ERG: variants seen among roughly 807,000 people sequenced by gnomAD.
The protein encoded by ERG is ETS transcription factor ERG, also known as transcriptional regulator ERG.
Under a neutral mutation model 55.3 loss-of-function variants are expected in ERG, and 9 were observed. The ratio of observed to expected loss-of-function variants is 0.16; its 90% confidence interval spans 0.10 to 0.28. ERG has a LOEUF of 0.28. Ranked by LOEUF, ERG falls within the 10% of genes least tolerant of loss-of-function variation. The pLI, the probability that ERG is intolerant of heterozygous loss-of-function variation, is 1.00. For missense variants in ERG, 434 were observed against 631.6 expected, an observed-to-expected ratio of 0.69 and a Z score of 3.35; for synonymous variants, 223 against 237.3, an observed-to-expected ratio of 0.94 and a Z score of 0.55.
rs543817386 is a variant in ERG, at chr21:38,556,175, A to G, written c.-41+19487T>C. ...AAATGCAATATTTTGGGATGATAAA[A>G]GGGCAGTTTCAAAAAATTGAAAAAA... On this transcript the variant is annotated intron_variant, in intron 2 of 8. Transcript: ENST00000398897. Among the ~76,000 whole-genome samples the G allele has an allele frequency of 3.5e-4, 53 of 152,320 alleles. 1 individual carries two copies. In the South Asian group the frequency reaches 7.5e-3, roughly 21 times the overall value.
At chr21:38,404,288 G>A (rs772560962) in intron 3 of ERG, among the ~76,000 whole-genome samples, 3 of 152,188 alleles carry the variant, frequency 2.0e-5, no homozygotes, top group African/African-American at 4.8e-5. Flanking sequence ...CTCATAGAGA[G>A]CTGTCAGTTC....
intron 1 of ERG, among the ~76,000 whole-genome samples, chr21:38,609,928 T>A (rs1231066365): frequency 6.6e-6 from 1 of 152,204 alleles, no homozygotes; most frequent in Admixed American, 6.5e-5. Flanking sequence ...CGTTTTTCGT[T>A]TTATTATGAC....
intron 3 of ERG, among the ~76,000 whole-genome samples, chr21:38,405,184 T>C (rs1326931774): frequency 6.6e-6 from 1 of 152,210 alleles, no homozygotes; most frequent in Non-Finnish European, 1.5e-5. Context: ...CCTATACATA[T>C]TTTAATATTT....
chr21:38,573,297 A>G (rs2059971510), intron 2 of ERG, among the ~76,000 whole-genome samples: 1 of 152,186 alleles, frequency 6.6e-6, no homozygotes, highest in Non-Finnish European at 1.5e-5. Flanking sequence ...CCAGCCCGAC[A>G]CCCGTAAAGG....
At chr21:38,652,734 G>A (rs2060495501) in intron 1 of ERG, among the ~76,000 whole-genome samples, 1 of 152,216 alleles carries the variant, frequency 6.6e-6, no homozygotes, top group African/African-American at 2.4e-5. Flanking sequence ...CGGCCCTACA[G>A]CAAACCCAGT....
intron 1 of ERG, among the ~76,000 whole-genome samples, chr21:38,590,706 T>C (rs2146893525): frequency 6.6e-6 from 1 of 152,320 alleles, no homozygotes. Flanking sequence ...CATCCATCCA[T>C]CTATCCATCC....
chr21:38,647,050 A>G (rs2836592), intron 1 of ERG, among the ~76,000 whole-genome samples: 10,188 of 152,196 alleles, frequency 0.067, 1,129 homozygotes, highest in African/African-American at 0.23. Flanking sequence ...TTGTCCACTC[A>G]TAACTTTGAT....
At chr21:38,425,419 G>A (rs1261315040) in intron 2 of ERG, among the ~76,000 whole-genome samples, 1 of 151,796 alleles carries the variant, frequency 6.6e-6, no homozygotes, top group Non-Finnish European at 1.5e-5. Flanking sequence ...AAGAAAGAGA[G>A]AGAGAAAGAG....
At chr21:38,493,320 A>G (rs2059352320) in intron 1 of ERG, among the ~76,000 whole-genome samples, 1 of 152,214 alleles carries the variant, frequency 6.6e-6, no homozygotes, top group Admixed American at 6.5e-5. Context: ...TTTGCTTATC[A>G]AAAAATGTTA....
At chr21:38,455,092 CTTTT>C (rs2058974995) in intron 1 of ERG, among the ~76,000 whole-genome samples, 1 of 133,476 alleles carries the variant, frequency 7.5e-6, no homozygotes, top group Non-Finnish European at 1.6e-5. Context: ...ACATAATGTT[CTTTT>C]TCTTTCTTTC....
intron 1 of ERG, among the ~76,000 whole-genome samples, chr21:38,645,865 ACT>A (rs1207144540): frequency 2.0e-5 from 3 of 152,016 alleles, no homozygotes; most frequent in Non-Finnish European, 2.9e-5. Flanking sequence ...TGCAGGTACC[ACT>A]CTGATCTCAG....
Position 38,460,097 on chromosome 21 carries a change from C to T in ERG, c.19-14476G>A, listed in dbSNP as rs1403743494. On this transcript the variant is annotated intron_variant, in intron 1 of 9. Coordinates refer to ENST00000288319, the MANE Select transcript of ERG (RefSeq NM_182918.4). This position sits in a 1 kb window ranked among gnomAD's most constrained non-coding sequence, Gnocchi z 5.0. ...CGAAGGAGGGGAGGGTGTGAGCCCCCATGCATTCATGAAGAATAGGCCTTC... is the reference window on the plus strand; with the variant it reads ...CGAAGGAGGGGAGGGTGTGAGCCCCTATGCATTCATGAAGAATAGGCCTTC... Among the ~76,000 whole-genome samples, 4 of 152,142 alleles carry T rather than the reference C, an allele frequency of 2.6e-5. No homozygotes were observed. The highest frequency in any genetic ancestry group is 5.9e-5 in the Non-Finnish European group (4 of 68,034).
chr21:38,436,263 T>C (rs1005431978), intron 2 of ERG, among the ~76,000 whole-genome samples: 17 of 152,004 alleles, frequency 1.1e-4, no homozygotes, highest in African/African-American at 4.1e-4. Flanking sequence ...TTTTAAAATG[T>C]GATTGTTTTG....
intron 1 of ERG, among the ~76,000 whole-genome samples, chr21:38,446,913 T>C (rs1472805559): frequency 6.6e-6 from 1 of 152,124 alleles, no homozygotes; most frequent in Non-Finnish European, 1.5e-5. Context: ...AGCCCTATGA[T>C]GCCCTTTGTG....
At chr21:38,634,492 G>A (rs2060376335) in intron 1 of ERG, among the ~76,000 whole-genome samples, 1 of 152,158 alleles carries the variant, frequency 6.6e-6, no homozygotes, top group Non-Finnish European at 1.5e-5. Context: ...CTTCTAACTA[G>A]ACCCCAAATA....
chr21:38,602,201 T>G (rs2060168272), intron 1 of ERG, among the ~76,000 whole-genome samples: 1 of 152,130 alleles, frequency 6.6e-6, no homozygotes, highest in Non-Finnish European at 1.5e-5. Flanking sequence ...TCCCAGCACT[T>G]TGGGAGGCTG....
chr21:38,403,476 C>T, intron 4 of ERG, 30 bp downstream of exon 4: 18 of 1,605,736 alleles, frequency 1.1e-5, no homozygotes, highest in Non-Finnish European at 1.4e-5. Flanking sequence ...TAGCCACAGC[C>T]ATCTATCCTT....
chr21:38,485,417 AC>A (rs1234039271), intron 1 of ERG, among the ~76,000 whole-genome samples: 2 of 152,050 alleles, frequency 1.3e-5, no homozygotes, highest in Non-Finnish European at 2.9e-5. Context: ...ATATGAATTT[AC>A]TATTGAAGAA....
chr21:38,659,948 A>G (rs1432798037), intron 1 of ERG, among the ~76,000 whole-genome samples: 2 of 152,194 alleles, frequency 1.3e-5, no homozygotes, highest in East Asian at 1.9e-4. Flanking sequence ...AAGTTTTGCA[A>G]TTAGGGTGGT....
Sources: gnomAD v4.1 joint callset for allele counts (sites outside exome capture counted in the v4.1 genomes callset) on GRCh38, gnomAD v4.1.1 for gene constraint, Gnocchi (gnomAD v3.1) non-coding constraint, MANE v1.5 for transcripts, NCBI Gene and HGNC (gene_info 2026-07-23, HGNC 2026-07-21) for gene names.